Variants in FLYWCH1 observed in about 807,000 individuals in gnomAD.
FLYWCH1 encodes the protein FLYWCH-type zinc finger-containing protein 1.
Under a neutral mutation model 66.4 loss-of-function variants are expected in FLYWCH1, and 75 were observed. That is an observed-to-expected ratio of 1.13 (90% CI 0.94 to 1.37). The LOEUF is 1.37. Among genes scored for constraint, FLYWCH1 ranks in the 40% most tolerant of loss-of-function variants. The probability of loss-of-function intolerance (pLI) is 0.00; values close to 1 mark genes in which losing one functional copy is unlikely to be tolerated. For synonymous variants in FLYWCH1, 595 were observed against 429.9 expected (o/e 1.38, Z -4.75); for missense variants, 1,334 against 1,001.8 (o/e 1.33, Z -4.48).
Position 2,933,729 on chromosome 16 carries a change from C to G in FLYWCH1, c.1263C>G (p.Phe421Leu), listed in dbSNP as rs894448084. ...GAACCTCCCCAGGAGGCCCTGAGTT[C>G]CTGAAGACGCCCCTGGGGGGCAGCT... ...DMDADPGGPE[F>L]LKTPLGGSFL... The change falls in exon 6 of 10, where the codon TTC (phenylalanine) becomes TTG (leucine). Residue 421 changes from phenylalanine to leucine, a missense_variant. Transcript: ENST00000253928. 1 of 1,612,750 alleles carries G rather than the reference C, an allele frequency of 6.2e-7. No homozygotes were observed. Among genetic ancestry groups the G allele is most frequent in the African/African-American group, 1.3e-5 (1 of 75,006 alleles).
intron 3 of FLYWCH1, 110 bp downstream of exon 3, chr16:2,930,120 A>C: frequency 9.0e-6 from 9 of 1,001,544 alleles, no homozygotes; most frequent in African/African-American, 1.6e-5. Context: ...CTCCAAGCTC[A>C]GCCTCTTGGT....
chr16:2,936,536 A>G (rs762868954), intron 6 of FLYWCH1: 2 of 425,574 alleles, frequency 4.7e-6, no homozygotes, highest in South Asian at 1.6e-5. Context: ...ACGATGCCCC[A>G]GGCCACCTCC....
intron 1 of FLYWCH1, chr16:2,912,862 A>G (rs1257426550): frequency 1.3e-5 from 2 of 152,222 alleles, no homozygotes; most frequent in African/African-American, 4.8e-5. Flanking sequence ...CCATAGTCAG[A>G]TAATCATGTG....
chr16:2,918,777 T>A (rs1217003272), intron 2 of FLYWCH1, among the ~76,000 whole-genome samples: 1 of 152,000 alleles, frequency 6.6e-6, no homozygotes, highest in African/African-American at 2.4e-5. Flanking sequence ...TAAAATAAAA[T>A]TCGCCAATGA....
At chr16:2,940,168 C>A in intron 9 of FLYWCH1, 76 bp downstream of exon 9, 1 of 751,814 alleles carries the variant, frequency 1.3e-6, no homozygotes, top group Non-Finnish European at 2.4e-6. Context: ...CAAATATTTG[C>A]TGTCTCAGCT....
At chr16:2,936,934 G>C in intron 6 of FLYWCH1, 187 bp from the exon 7 acceptor site, 1 of 775,888 alleles carries the variant, frequency 1.3e-6, no homozygotes, top group Non-Finnish European at 2.1e-6. Context: ...CCAGCCTCAG[G>C]AGGCGGACCC....
At chr16:2,941,902 C>A (rs2071276871) in intron 9 of FLYWCH1, among the ~76,000 whole-genome samples, 1 of 137,610 alleles carries the variant, frequency 7.3e-6, no homozygotes, top group South Asian at 2.4e-4. Context: ...GAGCCTGTAG[C>A]AGGAGAATTG....
chr16:2,936,300 C>T (rs959124002), intron 6 of FLYWCH1: 13 of 425,086 alleles, frequency 3.1e-5, no homozygotes, highest in African/African-American at 1.4e-4. Flanking sequence ...TCCCCACCTT[C>T]GTCCTGACCT....
chr16:2,944,255 T>G (rs969509993), intron 9 of FLYWCH1, among the ~76,000 whole-genome samples: 1 of 150,904 alleles, frequency 6.6e-6, no homozygotes, highest in Non-Finnish European at 1.5e-5. Flanking sequence ...TGGCTACAGG[T>G]ACAGCGCACC....
chr16:2,941,312 G>A (rs2071252443), intron 9 of FLYWCH1, among the ~76,000 whole-genome samples: 1 of 151,958 alleles, frequency 6.6e-6, no homozygotes, highest in Non-Finnish European at 1.5e-5. Flanking sequence ...AAAACAATGA[G>A]CCAAAGAAGA....
chr16:2,950,876 C>G lies in FLYWCH1; in HGVS notation c.*2149C>G, dbSNP rs1451612756. 1.3e-5 allele frequency: 2 copies of G among 152,256 alleles called. No homozygotes were observed. The highest frequency in any genetic ancestry group is 4.8e-5 in the African/African-American group (2 of 41,470). The allele number at this position is 152,256 out of a possible 1,614,324, so 9.4% of individuals were successfully genotyped here. On this transcript the variant is annotated 3_prime_UTR_variant, in exon 10 of 10. Transcript: ENST00000253928. ...TGGCTTCATGGCCACCAACCCGCAC[C>G]CTGGTGGCCACTCAGCCATGACAAG...
intron 2 of FLYWCH1, among the ~76,000 whole-genome samples, chr16:2,920,913 C>T (rs1263773901): frequency 7.0e-6 from 1 of 142,846 alleles, no homozygotes; most frequent in Non-Finnish European, 1.5e-5. Context: ...GCGATCTCAG[C>T]TCACTGCAAC....
At position 2,929,763 on chromosome 16, in the gene FLYWCH1, G is replaced by T. The variant is rs376488136; in HGVS notation, c.78G>T (p.Thr26=). The T allele has an allele frequency of 4.3e-6, 7 of 1,613,738 alleles. No individual in the cohort carries two copies. Among genetic ancestry groups the T allele is most frequent in the Admixed American group, 1.7e-5 (1 of 60,002 alleles). ...AGQEPSPKPG[T]DVIPAAPRKP... ...AGGAGCCATCCCCCAAGCCAGGCAC[G>T]GACGTCATCCCGGCAGCCCCCAGGA... The change falls in exon 3 of 10, where the codon ACG becomes ACT. Residue 26 remains threonine, a synonymous_variant. Coordinates refer to ENST00000253928, the MANE Select transcript of FLYWCH1 (RefSeq NM_001308068.2).
At chr16:2,921,377 A>G (rs2070369702) in intron 2 of FLYWCH1, among the ~76,000 whole-genome samples, 1 of 150,630 alleles carries the variant, frequency 6.6e-6, no homozygotes, top group Admixed American at 6.6e-5. Flanking sequence ...TTCTAAAGCC[A>G]GAGGGAGGAT....
chr16:2,937,299 G>C lies in FLYWCH1; in HGVS notation c.1692G>C (p.Arg564Ser). The C allele has an allele frequency of 1.2e-6, 2 of 1,604,176 alleles. No individual in the cohort carries two copies. Among genetic ancestry groups the C allele is most frequent in the Non-Finnish European group, 1.7e-6 (2 of 1,176,356 alleles). Residue 564 changes from arginine to serine, a missense_variant, in exon 7 of 10, where the codon AGG becomes AGC. By Grantham distance (110) the Arg-to-Ser change is moderately radical (BLOSUM62 -1). Transcript: ENST00000253928. ...GCCGGCGGGTCATGGTCATGCGCAGGCACTGCCACCCACCGGACCTGGGCG... is the reference window on the plus strand; with the variant it reads ...GCCGGCGGGTCATGGTCATGCGCAGCCACTGCCACCCACCGGACCTGGGCG... ...TQGRRVMVMR[R>S]HCHPPDLGGL...
rs1481054929 is a variant in FLYWCH1 at position 2,929,995 on chromosome 16, A to C, written c.310A>C (p.Ser104Arg). 3 of 1,604,950 alleles carry C rather than the reference A, an allele frequency of 1.9e-6. No homozygotes were observed. In the African/African-American group the frequency reaches 4.0e-5, roughly 21 times the overall value. ...PALEMPEQKC[S>R]KLDAAAPQSL... is the part of the protein sequence containing the mutation. ...CCTAGAGATGCCTGAACAGAAGTGC[A>C]GCAAGCTGGATGCAGGTGAGGTGTG... Residue 104 changes from serine (S) to arginine (R), a missense_variant, in exon 3 of 10, where the codon AGC becomes CGC. Physicochemically the swap from Ser to Arg is moderately radical, Grantham distance 110 (BLOSUM62 -1). Coordinates refer to ENST00000253928, the MANE Select transcript of FLYWCH1 (RefSeq NM_001308068.2).
chr16:2,916,823 A>AT (rs1341780157), intron 2 of FLYWCH1, among the ~76,000 whole-genome samples: 64 of 151,858 alleles, frequency 4.2e-4, no homozygotes, highest in African/African-American at 1.4e-3. Flanking sequence ...AGGTTCCTGA[A>AT]ACTTGTTAAA....
intron 6 of FLYWCH1, chr16:2,936,377 C>T (rs972624142): frequency 1.3e-5 from 6 of 456,690 alleles, no homozygotes; most frequent in African/African-American, 8.0e-5. Flanking sequence ...CCTCCCGAGC[C>T]TCCCTGCTCC....
intron 3 of FLYWCH1, 118 bp from the exon 4 acceptor site, chr16:2,930,292 G>A: frequency 1.5e-6 from 1 of 671,806 alleles, no homozygotes; most frequent in African/African-American, 1.8e-5. Context: ...TTCTTGCTTG[G>A]GAGCAGGAGG....
Sources: allele counts gnomAD v4.1 joint callset (sites outside exome capture counted in the v4.1 genomes callset), GRCh38; gene constraint gnomAD v4.1.1; transcripts MANE v1.5; gene names NCBI Gene and HGNC (gene_info 2026-07-23, HGNC 2026-07-21).